Variants in CCDC141 observed in about 807,000 individuals in gnomAD.
The protein encoded by CCDC141 is coiled-coil domain containing 141.
In CCDC141, 168 loss-of-function variants were observed where a neutral mutation model predicts 181.0. That is an observed-to-expected ratio of 0.93 (90% CI 0.82 to 1.05). The LOEUF (loss-of-function observed/expected upper bound fraction) is 1.05, where lower values mean the gene tolerates loss of function less well. Among genes scored for constraint, CCDC141 ranks in the 50% least tolerant of loss-of-function variants. The probability of loss-of-function intolerance (pLI) is 0.00; values close to 1 mark genes in which losing one functional copy is unlikely to be tolerated. For synonymous variants in CCDC141, 666 were observed against 642.3 expected (o/e 1.04, Z -0.56); for missense variants, 1,902 against 1,788.5 (o/e 1.06, Z -1.14).
intron 2 of CCDC141, among the ~76,000 whole-genome samples, chr2:179,013,960 C>CAAAAAAAAAAAAAAAAAAAAAAAAA (rs59851189): frequency 2.1e-5 from 1 of 46,858 alleles, no homozygotes; most frequent in Non-Finnish European, 3.4e-5. Flanking sequence ...GACTCCATCT[C>CAAAAAAAAAAAAAAAAAAAAAAAAA]AAAAAAAAAA....
At chr2:178,933,499 T>A (rs1475642982) in intron 6 of CCDC141, among the ~76,000 whole-genome samples, 3 of 152,088 alleles carry the variant, frequency 2.0e-5, no homozygotes, top group African/African-American at 7.2e-5. Context: ...TCTATGGGAG[T>A]CACACCTTGA....
intron 7 of CCDC141, among the ~76,000 whole-genome samples, chr2:178,914,147 G>C (rs148468085): frequency 6.6e-6 from 1 of 152,114 alleles, no homozygotes; most frequent in Non-Finnish European, 1.5e-5. Context: ...TTGGAGGATC[G>C]AGATGAGTTA....
chr2:179,009,045 C>T (rs1288789705), intron 2 of CCDC141, among the ~76,000 whole-genome samples: 1 of 152,162 alleles, frequency 6.6e-6, no homozygotes, highest in Non-Finnish European at 1.5e-5. Context: ...GCCAACCATA[C>T]AAAACTACTT....
At chr2:178,954,985 T>G (rs560791735) in intron 5 of CCDC141, among the ~76,000 whole-genome samples, 63 of 152,146 alleles carry the variant, frequency 4.1e-4, no homozygotes, top group Middle Eastern at 6.8e-3. Flanking sequence ...TCAACAACGC[T>G]TTAAAATAGA....
chr2:178,924,639 A>G (rs754759966), intron 6 of CCDC141, among the ~76,000 whole-genome samples: 11 of 152,156 alleles, frequency 7.2e-5, no homozygotes, highest in Non-Finnish European at 1.2e-4. Context: ...GACCTATACA[A>G]ATGTCAGGGT....
intron 5 of CCDC141, among the ~76,000 whole-genome samples, chr2:178,952,574 A>T (rs1278403227): frequency 4.6e-5 from 7 of 152,192 alleles, no homozygotes; most frequent in Admixed American, 4.6e-4. Flanking sequence ...ATTGGAAGCA[A>T]TAGTCATTCG....
intron 6 of CCDC141, among the ~76,000 whole-genome samples, chr2:178,937,353 T>A (rs1189816019): frequency 6.6e-6 from 1 of 152,164 alleles, no homozygotes; most frequent in Non-Finnish European, 1.5e-5. Context: ...GAAAATCATG[T>A]AGTTTTTGTC....
At chr2:178,839,580 C>CA (rs1561623857) in intron 22 of CCDC141, among the ~76,000 whole-genome samples, 2 of 9,682 alleles carry the variant, frequency 2.1e-4, no homozygotes, top group Admixed American at 2.6e-3. Context: ...AACTTCGTCT[C>CA]CAAAAAAAAA....
chr2:178,867,888 A>C (rs967970130), intron 16 of CCDC141, 138 bp downstream of exon 16: 2 of 658,392 alleles, frequency 3.0e-6, no homozygotes, highest in East Asian at 2.8e-5. Flanking sequence ...GGTAGAAATG[A>C]ATCACAAATA....
chr2:178,866,873 G>A (rs1055679555), intron 16 of CCDC141, among the ~76,000 whole-genome samples: 1 of 152,110 alleles, frequency 6.6e-6, no homozygotes. Flanking sequence ...TTACAGGCAC[G>A]TAATACCACG....
chr2:178,836,812 C>A, intron 23 of CCDC141, 82 bp downstream of exon 23: 1 of 1,465,692 alleles, frequency 6.8e-7, no homozygotes, highest in Non-Finnish European at 9.2e-7. Context: ...AGCCCTAAAC[C>A]TTTCAGTTAG....
chr2:178,889,802 G>T (rs1340885804), intron 8 of CCDC141, among the ~76,000 whole-genome samples: 1 of 152,128 alleles, frequency 6.6e-6, no homozygotes, highest in African/African-American at 2.4e-5. Flanking sequence ...GGCACATAAT[G>T]TTTCACAGAT....
chr2:178,955,395 T>G (rs1203890850), intron 5 of CCDC141, among the ~76,000 whole-genome samples: 1 of 152,160 alleles, frequency 6.6e-6, no homozygotes, highest in Non-Finnish European at 1.5e-5. Flanking sequence ...TGATTCCTTG[T>G]TCATATAATT....
intron 19 of CCDC141, among the ~76,000 whole-genome samples, chr2:178,854,609 C>T (rs985726067): frequency 1.3e-5 from 2 of 152,182 alleles, no homozygotes; most frequent in African/African-American, 2.4e-5. Flanking sequence ...GAAATAGAAA[C>T]ACATGACTCT....
intron 14 of CCDC141, among the ~76,000 whole-genome samples, 186 bp from the exon 15 acceptor site, chr2:178,869,491 C>T (rs1444672728): frequency 2.0e-5 from 3 of 152,016 alleles, no homozygotes; most frequent in East Asian, 1.9e-4. Context: ...TTTCTATACT[C>T]ACCTGAGAAA....
At chr2:178,948,368 G>T (rs1689816651) in intron 5 of CCDC141, among the ~76,000 whole-genome samples, 1 of 151,964 alleles carries the variant, frequency 6.6e-6, no homozygotes, top group South Asian at 2.1e-4. Flanking sequence ...ACATCAGTAG[G>T]TTGCATTATA....
chr2:178,984,419 A>T (rs1461463327), intron 2 of CCDC141, among the ~76,000 whole-genome samples: 1 of 152,034 alleles, frequency 6.6e-6, no homozygotes, highest in African/African-American at 2.4e-5. Flanking sequence ...AACGAGCAAA[A>T]TCACCAGCTA....
chr2:179,049,393 T>C (rs150660403), intron 1 of CCDC141, among the ~76,000 whole-genome samples: 49 of 152,236 alleles, frequency 3.2e-4, no homozygotes, highest in Middle Eastern at 3.4e-3. Context: ...CTTAAAGCAG[T>C]GCCCTCCCCC....
At chr2:178,957,455 A>G (rs778622157) in intron 5 of CCDC141, among the ~76,000 whole-genome samples, 3 of 152,238 alleles carry the variant, frequency 2.0e-5, no homozygotes, top group Non-Finnish European at 4.4e-5. Flanking sequence ...AGGAACGCTC[A>G]TTCATTGCTG....
Sources: allele counts gnomAD v4.1 joint callset (sites outside exome capture counted in the v4.1 genomes callset), GRCh38; gene constraint gnomAD v4.1.1; transcripts MANE v1.5; gene names NCBI Gene and HGNC (gene_info 2026-07-23, HGNC 2026-07-21).